Variants in RPS6KC1 observed in about 807,000 individuals in gnomAD.
RPS6KC1 encodes the protein inactive ribosomal protein S6 kinase delta-1.
Under a neutral mutation model 103.8 loss-of-function variants are expected in RPS6KC1, and 54 were observed. The observed-to-expected ratio is 0.52, with a 90% confidence interval of 0.42 to 0.65. The LOEUF is 0.65. RPS6KC1 is among the 30% of genes least tolerant of loss of function. The pLI, the probability that RPS6KC1 is intolerant of heterozygous loss-of-function variation, is 0.00. For synonymous variants in RPS6KC1, 439 were observed against 438.7 expected, an observed-to-expected ratio of 1.00 and a Z score of -0.01; for missense variants, 1,151 against 1,253.8, an observed-to-expected ratio of 0.92 and a Z score of 1.24.
the RPS6KC1 span, among the ~76,000 whole-genome samples, chr1:213,296,069 A>T: frequency 6.6e-6 from 1 of 152,254 alleles, no homozygotes. Context: ...TCTTTGAATC[A>T]TTTGTAAAGT....
At chr1:213,220,271 TGTA>T (rs945018056) in intron 8 of RPS6KC1, among the ~76,000 whole-genome samples, 60 of 152,312 alleles carry the variant, frequency 3.9e-4, no homozygotes, top group African/African-American at 1.4e-3. Flanking sequence ...GTGGAAGCAT[TGTA>T]GAATCTAAAA....
At chr1:213,328,510 A>AC in the RPS6KC1 span, among the ~76,000 whole-genome samples, 1 of 45,808 alleles carries the variant, frequency 2.2e-5, no homozygotes, top group East Asian at 4.2e-4. Context: ...TATACTATAT[A>AC]TATATATATA....
chr1:213,825,585 C>T, the RPS6KC1 span, among the ~76,000 whole-genome samples: 1 of 151,908 alleles, frequency 6.6e-6, no homozygotes, highest in African/African-American at 2.4e-5. Flanking sequence ...GTTAGAGTGA[C>T]TCATCTATGC....
At chr1:213,403,798 C>T in the RPS6KC1 span, among the ~76,000 whole-genome samples, 1 of 151,780 alleles carries the variant, frequency 6.6e-6, no homozygotes, top group African/African-American at 2.4e-5. Flanking sequence ...TTCTGACACA[C>T]ACCATCACAC....
the RPS6KC1 span, among the ~76,000 whole-genome samples, chr1:213,483,522 G>A: frequency 1.3e-5 from 2 of 152,154 alleles, no homozygotes; most frequent in African/African-American, 2.4e-5. Context: ...GATTCATATA[G>A]CAAGTGTATA....
At chr1:213,568,798 G>C in the RPS6KC1 span, among the ~76,000 whole-genome samples, 3 of 152,188 alleles carry the variant, frequency 2.0e-5, no homozygotes, top group African/African-American at 7.2e-5. Context: ...TTTTCTCCTT[G>C]ACTGTGGTAA....
chr1:213,563,529 T>C, the RPS6KC1 span, among the ~76,000 whole-genome samples: 1 of 152,186 alleles, frequency 6.6e-6, no homozygotes, highest in Admixed American at 6.5e-5. Flanking sequence ...TCTTTTACTC[T>C]TCATTCCCAC....
chr1:213,835,246 G>A, the RPS6KC1 span, among the ~76,000 whole-genome samples: 2 of 152,226 alleles, frequency 1.3e-5, no homozygotes, highest in South Asian at 4.1e-4. Flanking sequence ...CAGTGTGGCT[G>A]AAGTCTTTGA....
intron 1 of RPS6KC1, among the ~76,000 whole-genome samples, chr1:213,053,800 G>A (rs1039856353): frequency 4.0e-5 from 6 of 151,564 alleles, no homozygotes; most frequent in Admixed American, 2.0e-4. Flanking sequence ...TATTTGTATT[G>A]TTACTTTACA....
chr1:213,718,802 A>G, the RPS6KC1 span, among the ~76,000 whole-genome samples: 2 of 152,172 alleles, frequency 1.3e-5, no homozygotes, highest in Admixed American at 6.5e-5. Flanking sequence ...AATCATCTGG[A>G]GAGCTGGTTA....
chr1:213,511,636 CCTA>C, the RPS6KC1 span, among the ~76,000 whole-genome samples: 1 of 152,198 alleles, frequency 6.6e-6, no homozygotes, highest in Non-Finnish European at 1.5e-5. Flanking sequence ...TATGTCTTCA[CCTA>C]CTCTCCCTTC....
the RPS6KC1 span, among the ~76,000 whole-genome samples, chr1:213,767,845 C>T: frequency 6.6e-6 from 1 of 152,168 alleles, no homozygotes; most frequent in African/African-American, 2.4e-5. Flanking sequence ...CTGTGTTCTT[C>T]CCATTAACTA....
intron 12 of RPS6KC1, among the ~76,000 whole-genome samples, chr1:213,256,533 T>TA (rs577199719): frequency 0.053 from 7,144 of 135,542 alleles, 409 homozygotes; most frequent in African/African-American, 0.15. Context: ...GCTGATGAGC[T>TA]AAAAAAAAAA....
At chr1:213,765,814 T>A in the RPS6KC1 span, among the ~76,000 whole-genome samples, 1 of 152,150 alleles carries the variant, frequency 6.6e-6, no homozygotes, top group Non-Finnish European at 1.5e-5. Context: ...TATCACCAAC[T>A]TTTAGAAACA....
intron 1 of RPS6KC1, among the ~76,000 whole-genome samples, chr1:213,061,315 C>T (rs1284040101): frequency 6.6e-6 from 1 of 152,274 alleles, no homozygotes; most frequent in East Asian, 1.9e-4. Context: ...ACTTATCTAT[C>T]TTATATGGGA....
chr1:213,648,224 C>T, the RPS6KC1 span, among the ~76,000 whole-genome samples: 24 of 152,148 alleles, frequency 1.6e-4, no homozygotes, highest in African/African-American at 5.1e-4. Flanking sequence ...CCCACAGCAG[C>T]CTGTGAGTCT....
the RPS6KC1 span, among the ~76,000 whole-genome samples, chr1:213,800,209 A>C: frequency 2.0e-5 from 3 of 152,188 alleles, no homozygotes; most frequent in Non-Finnish European, 4.4e-5. Context: ...AGGACTACCA[A>C]AAACCAGAAG....
At chr1:213,395,990 TAGA>T in the RPS6KC1 span, among the ~76,000 whole-genome samples, 1 of 152,226 alleles carries the variant, frequency 6.6e-6, no homozygotes, top group Admixed American at 6.5e-5. Context: ...CGGGATTCGA[TAGA>T]GGGCAGGTAG....
chr1:213,497,502 C>T, the RPS6KC1 span, among the ~76,000 whole-genome samples: 152 of 152,154 alleles, frequency 1.0e-3, no homozygotes, highest in African/African-American at 3.3e-3. Flanking sequence ...AAGGATATTA[C>T]AATTTCGATT....
Sources: gnomAD v4.1 joint callset for allele counts (sites outside exome capture counted in the v4.1 genomes callset) on GRCh38, gnomAD v4.1.1 for gene constraint, MANE v1.5 for transcripts, NCBI Gene and HGNC (gene_info 2026-07-23, HGNC 2026-07-21) for gene names.